Variants in GPHN observed in about 807,000 individuals in gnomAD.
The protein encoded by GPHN is gephyrin.
GPHN carries 17 observed loss-of-function variants against 95.5 expected under a neutral mutation model. That is an observed-to-expected ratio of 0.18 (90% confidence interval 0.12 to 0.27). The LOEUF (loss-of-function observed/expected upper bound fraction) is 0.27, where lower values mean the gene tolerates loss of function less well. Ranked by LOEUF, GPHN falls within the 10% of genes least tolerant of loss-of-function variation. The pLI, the probability that GPHN is intolerant of heterozygous loss-of-function variation, is 1.00. For missense variants in GPHN, 660 were observed against 978.1 expected (o/e 0.67, Z 4.34); for synonymous variants, 320 against 322.5 (o/e 0.99, Z 0.08).
At chr14:67,307,908 A>C in the GPHN span, among the ~76,000 whole-genome samples, 11 of 152,226 alleles carry the variant, frequency 7.2e-5, no homozygotes, top group Non-Finnish European at 1.6e-4. Flanking sequence ...AGCCATAAAA[A>C]AATGAGATCA....
downstream of GPHN, among the ~76,000 whole-genome samples, chr14:67,182,583 G>C (rs1269027380): frequency 6.6e-6 from 1 of 152,140 alleles, no homozygotes; most frequent in Non-Finnish European, 1.5e-5. Flanking sequence ...ATTCATTCAA[G>C]AAATATTTGT....
intron 1 of GPHN, among the ~76,000 whole-genome samples, chr14:66,591,938 G>A (rs138346487): frequency 4.5e-4 from 69 of 152,306 alleles, no homozygotes; most frequent in African/African-American, 1.5e-3. Context: ...AAAACAGCAT[G>A]TTACTGGTAC....
chr14:67,123,842 G>C (rs1040662840), intron 17 of GPHN, among the ~76,000 whole-genome samples: 1 of 151,898 alleles, frequency 6.6e-6, no homozygotes, highest in Non-Finnish European at 1.5e-5. Context: ...TATCATTAAT[G>C]TATTTTATGT....
Position 66,581,719 on chromosome 14 carries a change from G to A in GPHN, c.64+73128G>A, listed in dbSNP as rs552974616. 2.9e-4 allele frequency among the ~76,000 whole-genome samples: 44 copies of A among 151,820 alleles called. No homozygotes were observed. The South Asian group carries it at 8.7e-3, about 30-fold the overall frequency. On this transcript the variant is annotated intron_variant, in intron 1 of 22. Coordinates refer to ENST00000478722, the MANE Select transcript of GPHN (RefSeq NM_020806.5). ...TAGAAGTAGATAATCCATGCTGATG[G>A]AAACCAAAAGAAAGCAGGAGTAGCT...
intron 1 of GPHN, among the ~76,000 whole-genome samples, chr14:66,671,468 CA>C (rs1445470588): frequency 6.6e-6 from 1 of 152,150 alleles, no homozygotes; most frequent in African/African-American, 2.4e-5. Context: ...TAACTTTCAA[CA>C]GCATAAAACA....
the GPHN span, among the ~76,000 whole-genome samples, chr14:67,235,066 G>GA: frequency 6.6e-6 from 1 of 151,606 alleles, no homozygotes; most frequent in African/African-American, 2.4e-5. Flanking sequence ...TGAGGCAGGA[G>GA]AATCTCTGGA....
At chr14:67,356,248 C>T in the GPHN span, among the ~76,000 whole-genome samples, 155 of 151,912 alleles carry the variant, frequency 1.0e-3, no homozygotes, top group African/African-American at 3.5e-3. Flanking sequence ...AGTGAAACCC[C>T]ATCTCTACCA....
intron 11 of GPHN, among the ~76,000 whole-genome samples, chr14:67,069,234 A>C (rs1236538856): frequency 6.6e-6 from 1 of 152,184 alleles, no homozygotes; most frequent in Non-Finnish European, 1.5e-5. Flanking sequence ...TATTTTCGCT[A>C]ACATGCTCTA....
At chr14:67,367,538 T>C in the GPHN span, among the ~76,000 whole-genome samples, 2 of 152,226 alleles carry the variant, frequency 1.3e-5, no homozygotes, top group African/African-American at 2.4e-5. Context: ...CCCATCCAGG[T>C]CACTTTGTGC....
intron 8 of GPHN, among the ~76,000 whole-genome samples, chr14:66,932,217 A>G (rs1225831745): frequency 6.6e-6 from 1 of 151,964 alleles, no homozygotes; most frequent in African/African-American, 2.4e-5. Flanking sequence ...CTTTTCCCCA[A>G]ACAAACTTAA....
chr14:66,520,091 T>A (rs1402864256), intron 1 of GPHN, among the ~76,000 whole-genome samples: 1 of 152,158 alleles, frequency 6.6e-6, no homozygotes, highest in Non-Finnish European at 1.5e-5. Context: ...CTTACTGCAT[T>A]GTAGGTTATG....
At chr14:67,645,397 A>C in the GPHN span, among the ~76,000 whole-genome samples, 5 of 152,186 alleles carry the variant, frequency 3.3e-5, no homozygotes, top group African/African-American at 1.2e-4. Context: ...ATTTGGGGAC[A>C]GGACAGCAGT....
At chr14:67,039,818 G>C (rs951044042) in intron 10 of GPHN, among the ~76,000 whole-genome samples, 5 of 152,086 alleles carry the variant, frequency 3.3e-5, no homozygotes, top group Non-Finnish European at 7.4e-5. Context: ...CTCACTCACT[G>C]TGTTTAACAA....
the GPHN span, among the ~76,000 whole-genome samples, chr14:67,635,859 T>A: frequency 0.18 from 27,147 of 151,556 alleles, 2,936 homozygotes; most frequent in African/African-American, 0.31. Flanking sequence ...CTAAAAAAAA[T>A]TTTTTTTAAA....
At chr14:66,593,955 A>T (rs151148590) in intron 1 of GPHN, among the ~76,000 whole-genome samples, 1 of 152,328 alleles carries the variant, frequency 6.6e-6, no homozygotes, top group African/African-American at 2.4e-5. Flanking sequence ...GTTAAAATTG[A>T]TTAATAAATT....
chr14:66,545,756 C>A, intron 1 of GPHN, among the ~76,000 whole-genome samples: 1 of 143,946 alleles, frequency 6.9e-6, no homozygotes, highest in Admixed American at 6.8e-5. Flanking sequence ...CACCTCCCTC[C>A]CGGACGGGGC....
rs564370898 is a variant in GPHN, at chr14:66,865,046, G to A, written c.295-14893G>A. ...ACTTCACATGTTCTCACTCATTTGTGTGAGCTAAAAATGAAAACAACTGAA... is the reference window on the plus strand; with the variant it reads ...ACTTCACATGTTCTCACTCATTTGTATGAGCTAAAAATGAAAACAACTGAA... On this transcript the variant is annotated intron_variant, in intron 4 of 22. Coordinates refer to ENST00000478722, the MANE Select transcript of GPHN (RefSeq NM_020806.5). Among the ~76,000 whole-genome samples, 18 of 152,246 alleles carry A rather than the reference G, an allele frequency of 1.2e-4. No individual in the cohort carries two copies. The South Asian group carries it at 2.7e-3, about 23-fold the overall frequency.
intron 2 of GPHN, among the ~76,000 whole-genome samples, chr14:66,726,065 T>G (rs1243374497): frequency 6.6e-6 from 1 of 152,176 alleles, no homozygotes; most frequent in African/African-American, 2.4e-5. Flanking sequence ...CTGAAAGAAA[T>G]ATAAGTAACA....
chr14:66,554,756 A>G (rs111333766), intron 1 of GPHN, among the ~76,000 whole-genome samples: 79 of 152,308 alleles, frequency 5.2e-4, no homozygotes, highest in African/African-American at 1.6e-3. Flanking sequence ...GTACTTGTAC[A>G]AACTTTAGAA....
Sources: allele counts gnomAD v4.1 joint callset (sites outside exome capture counted in the v4.1 genomes callset), GRCh38; gene constraint gnomAD v4.1.1; transcripts MANE v1.5; gene names NCBI Gene and HGNC (gene_info 2026-07-23, HGNC 2026-07-21).